Variants in CC2D2A observed in about 807,000 individuals in gnomAD.
The protein encoded by CC2D2A is coiled-coil and C2 domain containing 2A, also known as coiled-coil and C2 domain-containing protein 2A.
Under a neutral mutation model 212.9 loss-of-function variants are expected in CC2D2A, and 155 were observed. The observed-to-expected ratio is 0.73, with a 90% CI of 0.64 to 0.83. The LOEUF (loss-of-function observed/expected upper bound fraction) is 0.83, where lower values mean the gene tolerates loss of function less well. Among genes scored for constraint, CC2D2A ranks in the 40% least tolerant of loss-of-function variants. The probability of loss-of-function intolerance (pLI) is 0.00; values close to 1 mark genes in which losing one functional copy is unlikely to be tolerated. For missense variants in CC2D2A, 1,856 were observed against 1,956.2 expected (o/e 0.95, Z 0.97); for synonymous variants, 667 against 686.5 (o/e 0.97, Z 0.44).
At chr4:15,504,360 A>G (rs1716138235) in intron 6 of CC2D2A, among the ~76,000 whole-genome samples, 1 of 152,166 alleles carries the variant, frequency 6.6e-6, no homozygotes, top group East Asian at 1.9e-4. Flanking sequence ...TCTTACTACA[A>G]AAGCCATAAT....
intron 30 of CC2D2A, among the ~76,000 whole-genome samples, chr4:15,584,072 A>G (rs1159371118): frequency 6.6e-6 from 1 of 152,166 alleles, no homozygotes; most frequent in Non-Finnish European, 1.5e-5. Context: ...TTGTTAATAT[A>G]TCCATATTAC....
At chr4:15,568,714 C>T (rs1405204353) in intron 26 of CC2D2A, among the ~76,000 whole-genome samples, 2 of 152,150 alleles carry the variant, frequency 1.3e-5, no homozygotes, top group Non-Finnish European at 2.9e-5. Flanking sequence ...ACCTATTACC[C>T]CAGACACCAG....
chr4:15,559,958 A>G (rs1462412222), intron 22 of CC2D2A, among the ~76,000 whole-genome samples: 1 of 152,056 alleles, frequency 6.6e-6, no homozygotes, highest in African/African-American at 2.4e-5. Context: ...CAGCCTCTCG[A>G]ATAGCCAGGA....
intron 6 of CC2D2A, among the ~76,000 whole-genome samples, chr4:15,507,817 T>C (rs1716348949): frequency 6.6e-6 from 1 of 152,240 alleles, no homozygotes. Context: ...ACAATGGTTT[T>C]TGACTAAAGT....
chr4:15,554,451 T>C (rs1719172885), intron 19 of CC2D2A, among the ~76,000 whole-genome samples: 2 of 152,106 alleles, frequency 1.3e-5, no homozygotes, highest in African/African-American at 2.4e-5. Context: ...GGCAGGCAGA[T>C]CACATGAGGT....
In CC2D2A at chr4:15,555,095, T is replaced by C. The variant is rs1225789096; in HGVS notation, c.2510T>C (p.Ile837Thr). ...AGTGCTTTGAAGAAAGCAGATGCCA[T>C]CTCATCTATTGGCACATCAGGACTG... ...FRSALKKADA[I>T]SSIGTSGLTD... The change falls in exon 20 of 37, where the codon ATC (isoleucine) becomes ACC (threonine). Residue 837 changes from isoleucine (I) to threonine (T), a missense_variant. Around this residue, in one of 5 missense-constraint regions of CC2D2A, gnomAD observed 1,512 missense variants for 1,579.3 expected, o/e 0.96. Coordinates refer to ENST00000424120, the MANE Select transcript of CC2D2A (RefSeq NM_001378615.1). 1 of 1,613,148 alleles carries C rather than the reference T, an allele frequency of 6.2e-7. No individual in the cohort carries two copies. Among genetic ancestry groups the C allele is most frequent in the Non-Finnish European group, 8.5e-7 (1 of 1,179,544 alleles).
At chr4:15,504,946 G>C (rs956385713) in intron 6 of CC2D2A, among the ~76,000 whole-genome samples, 4 of 152,198 alleles carry the variant, frequency 2.6e-5, no homozygotes, top group Non-Finnish European at 4.4e-5. Flanking sequence ...CAGGGCTAAA[G>C]GCTGCCGACC....
Position 15,587,757 on chromosome 4 carries a change from C to A in CC2D2A, c.4066-59C>A, listed in dbSNP as rs969591098. 3.3e-6 allele frequency: 3 copies of A among 920,404 alleles called. No homozygotes were observed. In the African/African-American group the frequency reaches 4.9e-5, roughly 15 times the overall value. The allele number at this position is 920,404 out of a possible 1,614,324, so 57.0% of individuals were successfully genotyped here. On this transcript the variant is annotated intron_variant, in intron 31 of 36. Transcript: ENST00000424120. ...TACTATGACATATTAGAATCCTGCA[C>A]AACCAATCCAGAATAAAGCATTGAG...
At chr4:15,522,217 A>G (rs1560163912) in intron 11 of CC2D2A, among the ~76,000 whole-genome samples, 1 of 152,228 alleles carries the variant, frequency 6.6e-6, no homozygotes. Flanking sequence ...ATACATGCAT[A>G]CATGCATACA....
intron 17 of CC2D2A, among the ~76,000 whole-genome samples, chr4:15,549,545 G>A (rs1183196791): frequency 6.6e-6 from 1 of 152,244 alleles, no homozygotes; most frequent in Non-Finnish European, 1.5e-5. Context: ...AGATCAGGCT[G>A]TAATCCCAGC....
intron 23 of CC2D2A, 36 bp downstream of exon 23, chr4:15,560,658 T>A: frequency 1.1e-6 from 1 of 876,042 alleles, no homozygotes; most frequent in Non-Finnish European, 1.8e-6. Context: ...TCAATTCTTA[T>A]AAAAATTATT....
intron 4 of CC2D2A, among the ~76,000 whole-genome samples, chr4:15,501,087 C>G (rs534304082): frequency 1.1e-4 from 17 of 152,194 alleles, no homozygotes; most frequent in Admixed American, 9.8e-4. Flanking sequence ...CTCACTTTTT[C>G]CTTATTTCTC....
At chr4:15,500,183 C>G (rs1205594249) in intron 4 of CC2D2A, among the ~76,000 whole-genome samples, 1 of 149,484 alleles carries the variant, frequency 6.7e-6, no homozygotes, top group Non-Finnish European at 1.5e-5. Flanking sequence ...TACTGAATAT[C>G]AGTTATTTCT....
rs1167649450 is a variant in CC2D2A, at chr4:15,563,340, T to C, written c.3015-15T>C. On this transcript the variant is annotated splice_polypyrimidine_tract_variant and intron_variant, in intron 23 of 36. Coordinates refer to ENST00000424120, the MANE Select transcript of CC2D2A (RefSeq NM_001378615.1). ...TCTTTTTCTTAGAGTCCTGATCCTG[T>C]TCTGTAATCATTAGCATTTTGGGCC... 2 of 1,588,554 alleles carry C rather than the reference T, an allele frequency of 1.3e-6. No homozygotes were observed. The highest frequency in any genetic ancestry group is 2.3e-5 in the South Asian group (2 of 87,378).
chr4:15,580,365 C>A (rs1174599088), intron 30 of CC2D2A, among the ~76,000 whole-genome samples, 194 bp downstream of exon 30: 2 of 152,158 alleles, frequency 1.3e-5, no homozygotes, highest in Admixed American at 6.5e-5. Flanking sequence ...GGCAGCCAGG[C>A]AGTGGCTCAT....
intron 19 of CC2D2A, 35 bp from the exon 20 acceptor site, chr4:15,555,037 C>A: frequency 1.3e-6 from 2 of 1,586,916 alleles, no homozygotes; most frequent in South Asian, 2.3e-5. Flanking sequence ...GTTCTGTGGT[C>A]AAGTCAGTCT....
chr4:15,482,235 T>G (rs942453779), intron 4 of CC2D2A: 2 of 985,168 alleles, frequency 2.0e-6, no homozygotes, highest in Non-Finnish European at 2.4e-6. Flanking sequence ...AGAGCTGTTA[T>G]GAATTAATAA....
Position 15,574,340 on chromosome 4 carries a change from G to C in CC2D2A, c.3771+14G>C. ...ATTCGAGAAAAGGTAACTACTTATA[G>C]TTTGGAAACCCATGTCTATGTTGAT... On this transcript the variant is annotated intron_variant, in intron 29 of 36. Coordinates refer to ENST00000424120, the MANE Select transcript of CC2D2A (RefSeq NM_001378615.1). 6.5e-7 allele frequency: 1 copy of C among 1,533,360 alleles called. No individual in the cohort carries two copies. Among genetic ancestry groups the C allele is most frequent in the Non-Finnish European group, 8.8e-7 (1 of 1,136,850 alleles). The allele number at this position is 1,533,360 out of a possible 1,614,324, so 95.0% of individuals were successfully genotyped here.
intron 33 of CC2D2A, among the ~76,000 whole-genome samples, chr4:15,592,343 C>G (rs965082315): frequency 6.6e-6 from 1 of 152,168 alleles, no homozygotes; most frequent in African/African-American, 2.4e-5. Flanking sequence ...CTAGTTATAT[C>G]TCTTGCTTTC....
Sources: gnomAD v4.1 joint callset for allele counts (sites outside exome capture counted in the v4.1 genomes callset) on GRCh38, gnomAD v4.1.1 for gene constraint, gnomAD v4.1.1 regional missense constraint, MANE v1.5 for transcripts, NCBI Gene and HGNC (gene_info 2026-07-23, HGNC 2026-07-21) for gene names.